CYP20A1: variants seen among roughly 807,000 people sequenced by gnomAD.
The protein encoded by CYP20A1 is cytochrome P450 20A1.
CYP20A1 carries 61 observed loss-of-function variants against 61.4 expected under a neutral mutation model. The observed-to-expected ratio is 0.99, with a 90% CI of 0.81 to 1.23. CYP20A1 has a LOEUF of 1.23. Among genes scored for constraint, CYP20A1 ranks in the 50% most tolerant of loss-of-function variants. The pLI is 0.00. For synonymous variants in CYP20A1, 193 were observed against 188.2 expected, an observed-to-expected ratio of 1.03 and a Z score of -0.21; for missense variants, 530 against 542.4, an observed-to-expected ratio of 0.98 and a Z score of 0.23.
chr2:203,240,082 CA>C (rs2066200409), intron 1 of CYP20A1, among the ~76,000 whole-genome samples: 1 of 152,132 alleles, frequency 6.6e-6, no homozygotes, highest in Admixed American at 6.5e-5. Context: ...GCGACAGAGC[CA>C]GACTCTTATC....
Position 203,285,702 on chromosome 2 carries a change from C to T in CYP20A1, c.941C>T (p.Pro314Leu), listed in dbSNP as rs1489086015. ...EEINQVFGNGPVTPEKIEQLR... is the reference protein window; with the variant it reads ...EEINQVFGNGLVTPEKIEQLR... ...ATAAACCAAGTTTTTGGAAATGGTCCTGTTACTCCAGAGAAAATTGAGCAG... is the reference window on the plus strand; with the variant it reads ...ATAAACCAAGTTTTTGGAAATGGTCTTGTTACTCCAGAGAAAATTGAGCAG... Residue 314 changes from proline (P) to leucine (L), a missense_variant, in exon 9 of 13, where the codon CCT (proline) becomes CTT (leucine). Pro to Leu is a moderately conservative substitution (Grantham distance 98, BLOSUM62 -3). Transcript: ENST00000356079. 1 of 1,600,184 alleles carries T rather than the reference C, an allele frequency of 6.2e-7. No individual in the cohort carries two copies. Among genetic ancestry groups the T allele is most frequent in the Non-Finnish European group, 8.5e-7 (1 of 1,177,156 alleles).
At chr2:203,246,655 T>G in intron 2 of CYP20A1, 100 bp from the exon 3 acceptor site, 1 of 1,132,688 alleles carries the variant, frequency 8.8e-7, no homozygotes, top group Non-Finnish European at 1.2e-6. Context: ...CATGAACCTT[T>G]GTTCTCATTT....
intron 9 of CYP20A1, among the ~76,000 whole-genome samples, chr2:203,288,519 G>C (rs1212216364): frequency 6.6e-6 from 1 of 152,018 alleles, no homozygotes. Context: ...CTGCCAACTA[G>C]ATTCTGAACC....
chr2:203,288,980 CGTT>C (rs769686865), intron 9 of CYP20A1, among the ~76,000 whole-genome samples: 44 of 152,112 alleles, frequency 2.9e-4, no homozygotes, highest in Non-Finnish European at 5.4e-4. Context: ...TTTTTATTCT[CGTT>C]GTGATGTACA....
At position 203,265,986 on chromosome 2, in the gene CYP20A1, G is replaced by T. The variant is rs140404325; in HGVS notation, c.433-528G>T. 1.7e-4 allele frequency among the ~76,000 whole-genome samples: 26 copies of T among 152,130 alleles called. 1 individual carries two copies. The East Asian group carries it at 5.0e-3, about 29-fold the overall frequency. On this transcript the variant is annotated intron_variant, in intron 4 of 12. Transcript: ENST00000356079. ...ATTACAGGTATGAACCACCGTGCCC[G>T]GCCTAAAGCTTGTTTGTAATCTTTT...
intron 3 of CYP20A1, among the ~76,000 whole-genome samples, chr2:203,251,272 T>C (rs1211462154): frequency 6.6e-6 from 1 of 151,624 alleles, no homozygotes; most frequent in African/African-American, 2.4e-5. Flanking sequence ...TAAATAATTT[T>C]ACTGTAATAC....
In CYP20A1 at chr2:203,296,571, A is replaced by G; in HGVS notation, c.1238+8A>G. ...GGAGTGTCCAGAGTTGAGGTGAATA[A>G]TAGAATGCCAGACTCTGTTCTTAGA... On this transcript the variant is annotated splice_region_variant and intron_variant, in intron 12 of 12. Coordinates refer to ENST00000356079, the MANE Select transcript of CYP20A1 (RefSeq NM_177538.3). The G allele has an allele frequency of 3.1e-6, 5 of 1,594,996 alleles. No individual in the cohort carries two copies. The highest frequency in any genetic ancestry group is 4.3e-6 in the Non-Finnish European group (5 of 1,165,736).
intron 3 of CYP20A1, among the ~76,000 whole-genome samples, chr2:203,247,193 G>A (rs770047598): frequency 4.6e-5 from 7 of 152,084 alleles, no homozygotes; most frequent in South Asian, 2.1e-4. Context: ...CCCCGGGGGC[G>A]GAGGCTGCAG....
At chr2:203,253,561 A>G (rs1330626054) in intron 4 of CYP20A1, among the ~76,000 whole-genome samples, 1 of 152,258 alleles carries the variant, frequency 6.6e-6, no homozygotes, top group African/African-American at 2.4e-5. Context: ...AACATTGAAC[A>G]AAGACAGAAC....
At chr2:203,258,005 G>GCTCAAGTGCAGTGGCACGATTAT (rs1455916330) in intron 4 of CYP20A1, among the ~76,000 whole-genome samples, 1 of 151,752 alleles carries the variant, frequency 6.6e-6, no homozygotes, top group Non-Finnish European at 1.5e-5. Flanking sequence ...GGGCTGAAGG[G>GCTCAAGTGCAGTGGCACGATTAT]ATCCTCCTGC....
intron 4 of CYP20A1, among the ~76,000 whole-genome samples, chr2:203,257,090 A>C (rs1195933772): frequency 6.6e-6 from 1 of 151,840 alleles, no homozygotes; most frequent in African/African-American, 2.4e-5. Flanking sequence ...GCTGGTCTCA[A>C]ACTCCTGGGC....
rs2066480616 is a variant in CYP20A1 at position 203,246,922 on chromosome 2, G to A, written c.289+1G>A. On this transcript the variant is annotated splice_donor_variant, in intron 3 of 12. Coordinates refer to ENST00000356079, the MANE Select transcript of CYP20A1 (RefSeq NM_177538.3). LOFTEE classifies it high-confidence loss of function. ...CAGCATATCAATCCCAATAAGACAT[G>A]TAAGTTTAATTTTCTTTCTAATTAC... is the stretch of plus-strand genomic sequence containing the variant. The A allele has an allele frequency of 1.2e-6, 2 of 1,608,932 alleles. No individual in the cohort carries two copies. Among genetic ancestry groups the A allele is most frequent in the Non-Finnish European group, 1.7e-6 (2 of 1,178,622 alleles).
intron 3 of CYP20A1, among the ~76,000 whole-genome samples, chr2:203,248,116 T>C (rs2066524042): frequency 1.3e-5 from 2 of 152,010 alleles, no homozygotes; most frequent in South Asian, 2.1e-4. Context: ...ACCTAGCTAC[T>C]TGGGAGGCTG....
chr2:203,250,467 G>A (rs2066618633), intron 3 of CYP20A1, among the ~76,000 whole-genome samples: 1 of 152,088 alleles, frequency 6.6e-6, no homozygotes, highest in South Asian at 2.1e-4. Flanking sequence ...CTTGAAGTCA[G>A]GCAATCTGGT....
At chr2:203,243,289 G>A (rs1413408867) in intron 1 of CYP20A1, among the ~76,000 whole-genome samples, 1 of 151,938 alleles carries the variant, frequency 6.6e-6, no homozygotes, top group East Asian at 1.9e-4. Flanking sequence ...GAGTACAGGC[G>A]TGTGCCACCA....
intron 9 of CYP20A1, among the ~76,000 whole-genome samples, chr2:203,289,455 A>G (rs2068438296): frequency 2.0e-5 from 3 of 152,044 alleles, no homozygotes; most frequent in Non-Finnish European, 2.9e-5. Flanking sequence ...TAAAAATTGT[A>G]GAAACATTAT....
chr2:203,280,196 C>CAGCCTCCCCAAGTG, intron 8 of CYP20A1, 83 bp downstream of exon 8: 2 of 1,065,942 alleles, frequency 1.9e-6, no homozygotes, highest in Non-Finnish European at 1.3e-6. Flanking sequence ...AATCCCAACA[C>CAGCCTCCCCAAGTG]TTGGGGAGGC....
At chr2:203,291,173 C>G (rs1290574393) in intron 10 of CYP20A1, among the ~76,000 whole-genome samples, 1 of 151,934 alleles carries the variant, frequency 6.6e-6, no homozygotes, top group African/African-American at 2.4e-5. Flanking sequence ...AGTGATCCTG[C>G]CACCTCAGCT....
chr2:203,264,202 G>A (rs1315398023), intron 4 of CYP20A1, among the ~76,000 whole-genome samples: 1 of 151,936 alleles, frequency 6.6e-6, no homozygotes, highest in Non-Finnish European at 1.5e-5. Context: ...GCCCAGGTTT[G>A]TCTCAAACTC....
Sources: allele counts gnomAD v4.1 joint callset (sites outside exome capture counted in the v4.1 genomes callset), GRCh38; gene constraint gnomAD v4.1.1; transcripts MANE v1.5; gene names NCBI Gene and HGNC (gene_info 2026-07-23, HGNC 2026-07-21).